The following THADA variants were observed in gnomAD, a reference collection of about 807,000 sequenced individuals.
THADA encodes tRNA (32-2'-O)-methyltransferase regulator THADA.
Under a neutral mutation model 219.8 loss-of-function variants are expected in THADA, and 213 were observed. The ratio of observed to expected loss-of-function variants is 0.97; its 90% confidence interval spans 0.87 to 1.09. THADA has a LOEUF of 1.09. Among genes scored for constraint, THADA ranks in the 50% least tolerant of loss-of-function variants. The pLI is 0.00. For missense variants in THADA, 2,956 were observed against 2,311.3 expected (o/e 1.28, Z -5.72); for synonymous variants, 1,018 against 828.9 (o/e 1.23, Z -3.92).
At chr2:43,466,518 A>G (rs1684256358) in intron 26 of THADA, among the ~76,000 whole-genome samples, 1 of 152,112 alleles carries the variant, frequency 6.6e-6, no homozygotes, top group Non-Finnish European at 1.5e-5. Context: ...AGTTTGGGGT[A>G]TGTCTACTCT....
intron 1 of THADA, among the ~76,000 whole-genome samples, chr2:43,593,543 G>A (rs1479645971): frequency 6.6e-6 from 1 of 151,834 alleles, no homozygotes; most frequent in Non-Finnish European, 1.5e-5. Context: ...GTTTGGCCTG[G>A]AGAAAAAGTC....
intron 29 of THADA, among the ~76,000 whole-genome samples, chr2:43,354,872 C>A (rs1447570058): frequency 6.6e-6 from 1 of 152,130 alleles, no homozygotes; most frequent in Non-Finnish European, 1.5e-5. Context: ...TCATGCTGTT[C>A]TCATGATAGA....
At chr2:43,241,522 C>CTGTCTGGACTTACCAGCAG (rs1323070249) in intron 36 of THADA, among the ~76,000 whole-genome samples, 1 of 148,656 alleles carries the variant, frequency 6.7e-6, no homozygotes, top group Non-Finnish European at 1.5e-5. Flanking sequence ...CTTTGCACCC[C>CTGTCTGGACTTACCAGCAG]TGTCTGGACT....
chr2:43,567,925 C>T (rs571729870), intron 14 of THADA, among the ~76,000 whole-genome samples: 1 of 152,324 alleles, frequency 6.6e-6, no homozygotes, highest in Non-Finnish European at 1.5e-5. Flanking sequence ...TCAAGTCCTC[C>T]ATTCCCCAAG....
intron 31 of THADA, among the ~76,000 whole-genome samples, chr2:43,302,282 C>T (rs901404839): frequency 6.6e-6 from 1 of 152,034 alleles, no homozygotes; most frequent in Non-Finnish European, 1.5e-5. Context: ...ATGGCCCCAT[C>T]GTACTTTTCC....
chr2:43,471,362 C>T (rs966842679), intron 26 of THADA, among the ~76,000 whole-genome samples: 3 of 151,950 alleles, frequency 2.0e-5, no homozygotes, highest in African/African-American at 7.3e-5. Flanking sequence ...TCTCTCTCTA[C>T]AAAAAATTAT....
chr2:43,409,354 C>CT lies in THADA; in HGVS notation c.4059-11216dup, dbSNP rs552337891. Among the ~76,000 whole-genome samples, 898 of 143,460 alleles carry CT rather than the reference C, an allele frequency of 6.3e-3. 6 individuals are homozygous for CT. Among genetic ancestry groups the CT allele is most frequent in the African/African-American group, 0.021 (822 of 39,304 alleles). 94.1% of individuals were successfully genotyped at this position (143,460 alleles called of 152,430 possible). Reference sequence around the variant, plus strand: ...AGTTTTGAAAAATTCCAAAAAATTGCTTTTTTTTTTTGGCCTGGAAAAATG... The same window carrying CT: ...AGTTTTGAAAAATTCCAAAAAATTGCTTTTTTTTTTTTGGCCTGGAAAAATG... On this transcript the variant is annotated intron_variant, in intron 28 of 37. Coordinates refer to ENST00000405975, the MANE Select transcript of THADA (RefSeq NM_022065.5).
chr2:43,385,434 G>A (rs1205567552), intron 29 of THADA, among the ~76,000 whole-genome samples: 3 of 151,592 alleles, frequency 2.0e-5, no homozygotes, highest in South Asian at 2.1e-4. Flanking sequence ...GTGAAACCCC[G>A]TCTCTACTAA....
chr2:43,289,556 C>T (rs34229940), intron 34 of THADA, among the ~76,000 whole-genome samples: 1,964 of 152,348 alleles, frequency 0.013, 20 homozygotes, highest in Non-Finnish European at 0.022. Context: ...GTGGACATAA[C>T]AACTGGTTAA....
intron 4 of THADA, among the ~76,000 whole-genome samples, chr2:43,588,594 A>G (rs1198107910): frequency 6.6e-6 from 1 of 152,190 alleles, no homozygotes; most frequent in Admixed American, 6.5e-5. Context: ...CACACATTAA[A>G]AAATGTTCAA....
chr2:43,527,970 A>C lies in THADA; in HGVS notation c.3283T>G (p.Tyr1095Asp). ...TVEQVKEIGD[Y>D]FKQHLLQSRH... is the part of the protein sequence containing the mutation. ...GACTGCAAAAGGTGTTGTTTAAAGTAATCTCCTATTTCTTTTACCTTTAAA... is the reference window on the plus strand; with the variant it reads ...GACTGCAAAAGGTGTTGTTTAAAGTCATCTCCTATTTCTTTTACCTTTAAA... Residue 1095 changes from tyrosine (Y) to aspartate (D), a missense_variant, in exon 22 of 38, where the codon TAC becomes GAC. Coordinates refer to ENST00000405975, the MANE Select transcript of THADA (RefSeq NM_022065.5). 6.2e-6 allele frequency: 10 copies of C among 1,612,830 alleles called. No individual in the cohort carries two copies. The highest frequency in any genetic ancestry group is 1.1e-5 in the South Asian group (1 of 90,876).
At chr2:43,349,706 G>C (rs2104554561) in intron 29 of THADA, among the ~76,000 whole-genome samples, 1 of 152,252 alleles carries the variant, frequency 6.6e-6, no homozygotes, top group South Asian at 2.1e-4. Flanking sequence ...AATAAGAAAA[G>C]AGATGCTCAT....
intron 28 of THADA, among the ~76,000 whole-genome samples, chr2:43,399,001 T>C (rs1674446669): frequency 6.6e-6 from 1 of 152,178 alleles, no homozygotes. Context: ...GAAAGGTCAT[T>C]GTAAAGGCAG....
intron 26 of THADA, among the ~76,000 whole-genome samples, chr2:43,471,019 A>G (rs1465034447): frequency 6.6e-6 from 1 of 152,202 alleles, no homozygotes; most frequent in East Asian, 1.9e-4. Context: ...GTAGGAAAAG[A>G]GTTGGAGTCT....
At chr2:43,264,115 G>A (rs1432814222) in intron 36 of THADA, among the ~76,000 whole-genome samples, 1 of 151,976 alleles carries the variant, frequency 6.6e-6, no homozygotes, top group East Asian at 1.9e-4. Flanking sequence ...GCTATGTCAC[G>A]GGGCACCTTG....
Position 43,497,261 on chromosome 2 carries a change from C to A in THADA, c.3744+1572G>T, listed in dbSNP as rs145915834. Among the ~76,000 whole-genome samples, 1,118 of 152,246 alleles carry A rather than the reference C, an allele frequency of 7.3e-3. 6 individuals are homozygous for A. Among genetic ancestry groups the A allele is most frequent in the South Asian group, 0.014 (68 of 4,818 alleles). ...CATATGTTTATTGCAGCACTATTTA[C>A]AATAGCAAAGACATGGACCCAAACC... On this transcript the variant is annotated intron_variant, in intron 25 of 37. Transcript: ENST00000405975.
chr2:43,430,624 G>C (rs1221608483), intron 26 of THADA: 1 of 463,344 alleles, frequency 2.2e-6, no homozygotes, highest in Non-Finnish European at 4.3e-6. Context: ...TGGACTATAA[G>C]TAGAGTCAAC....
chr2:43,441,953 A>G (rs1427238546), intron 26 of THADA, among the ~76,000 whole-genome samples: 1 of 152,222 alleles, frequency 6.6e-6, no homozygotes, highest in Admixed American at 6.5e-5. Flanking sequence ...AGATACTAAG[A>G]GTAAAAGAGA....
intron 23 of THADA, among the ~76,000 whole-genome samples, chr2:43,506,169 C>A (rs1375234557): frequency 6.6e-6 from 1 of 152,134 alleles, no homozygotes; most frequent in Admixed American, 6.5e-5. Context: ...GAATGTTAAG[C>A]CTCCCTGGAG....
Sources: gnomAD v4.1 joint callset for allele counts (sites outside exome capture counted in the v4.1 genomes callset) on GRCh38, gnomAD v4.1.1 for gene constraint, MANE v1.5 for transcripts, NCBI Gene and HGNC (gene_info 2026-07-23, HGNC 2026-07-21) for gene names.